Variants in C10orf90 observed in about 807,000 individuals in gnomAD.
C10orf90 encodes the protein (E2-independent) E3 ubiquitin-conjugating enzyme FATS.
A neutral mutation model predicts 62.5 loss-of-function variants in C10orf90; 56 were observed. The observed-to-expected ratio is 0.90, with a 90% CI of 0.72 to 1.12. The LOEUF is 1.12. Among genes scored for constraint, C10orf90 ranks in the 50% most tolerant of loss-of-function variants. C10orf90 has a pLI of 0.00. For missense variants in C10orf90, 970 were observed against 880.4 expected, an observed-to-expected ratio of 1.10 and a Z score of -1.29; for synonymous variants, 386 against 340.4, an observed-to-expected ratio of 1.13 and a Z score of -1.47.
At chr10:126,511,037 A>G (rs1439880696) in intron 3 of C10orf90, among the ~76,000 whole-genome samples, 2 of 152,110 alleles carry the variant, frequency 1.3e-5, no homozygotes, top group Non-Finnish European at 2.9e-5. Context: ...GCAGCTTCCC[A>G]CAGAAGACTC....
At chr10:126,431,890 A>G (rs941907709) in intron 7 of C10orf90, among the ~76,000 whole-genome samples, 14 of 151,980 alleles carry the variant, frequency 9.2e-5, no homozygotes, top group Admixed American at 8.5e-4. Flanking sequence ...GAGCTCTCTG[A>G]CACCTCCACT....
chr10:126,425,989 A>G lies in C10orf90; in HGVS notation c.2352+2T>C, dbSNP rs1324123175. 4.3e-6 allele frequency: 7 copies of G among 1,613,930 alleles called. No homozygotes were observed. The Admixed American group carries it at 1.2e-4, about 27-fold the overall frequency. ...CACACCTGCTGGTGACGAGGCCATT[A>G]CCTTTTTGAAGACTTCGGCACGGAG... On this transcript the variant is annotated splice_donor_variant, in intron 9 of 9. Transcript: ENST00000488181. LOFTEE classifies it high-confidence loss of function.
chr10:126,619,224 A>G (rs1325611063), intron 2 of C10orf90, among the ~76,000 whole-genome samples: 1 of 152,156 alleles, frequency 6.6e-6, no homozygotes, highest in African/African-American at 2.4e-5. Flanking sequence ...CTTGTTTCTC[A>G]TTAATGCCTA....
At chr10:126,637,613 T>A (rs1845977765) in intron 2 of C10orf90, among the ~76,000 whole-genome samples, 2 of 152,164 alleles carry the variant, frequency 1.3e-5, no homozygotes, top group Admixed American at 1.3e-4. Context: ...CCAGAGGACA[T>A]GCAGGTAAGG....
intron 1 of C10orf90, among the ~76,000 whole-genome samples, chr10:126,666,913 GA>G (rs1188398145): frequency 9.3e-5 from 14 of 151,206 alleles, no homozygotes; most frequent in African/African-American, 3.2e-4. Context: ...CCGGGAGGCG[GA>G]GGTTGCAGTG....
chr10:126,600,305 C>T lies in C10orf90; in HGVS notation c.313+46260G>A, dbSNP rs572165325. 5.3e-5 allele frequency among the ~76,000 whole-genome samples: 8 copies of T among 152,238 alleles called. No individual in the cohort carries two copies. The South Asian group carries it at 8.3e-4, about 16-fold the overall frequency. ...ACTGCCAAAGCTGTGCAGGTTTGGC[C>T]GTCCCTGGGAGACGCTACAGAAAAT... On this transcript the variant is annotated intron_variant, in intron 2 of 9. Transcript: ENST00000488181.
intron 4 of C10orf90, among the ~76,000 whole-genome samples, chr10:126,477,751 GT>G (rs1199636199): frequency 2.0e-5 from 3 of 152,174 alleles, no homozygotes; most frequent in East Asian, 1.9e-4. Context: ...TGGAATAGGA[GT>G]TTTTTATATA....
intron 2 of C10orf90, among the ~76,000 whole-genome samples, chr10:126,551,297 A>G (rs1564868131): frequency 6.6e-6 from 1 of 152,246 alleles, no homozygotes; most frequent in African/African-American, 2.4e-5. Context: ...TGTTTCTACC[A>G]CTACCAACAC....
At chr10:126,521,371 T>C (rs1270096714) in intron 2 of C10orf90, 1 of 1,613,316 alleles carries the variant, frequency 6.2e-7, no homozygotes, top group Non-Finnish European at 8.5e-7. Context: ...GGTCTTTTAA[T>C]GACAAGGATG....
intron 7 of C10orf90, among the ~76,000 whole-genome samples, chr10:126,431,340 G>A (rs938794988): frequency 3.9e-5 from 6 of 152,136 alleles, no homozygotes; most frequent in Admixed American, 2.0e-4. Context: ...TAAGGACAAG[G>A]AAATCTCCCA....
At chr10:126,632,862 C>A (rs1845877097) in intron 2 of C10orf90, among the ~76,000 whole-genome samples, 1 of 152,138 alleles carries the variant, frequency 6.6e-6, no homozygotes. Flanking sequence ...GAGCCATCAC[C>A]CCAACTGACA....
chr10:126,499,505 C>T (rs974967340), intron 4 of C10orf90, among the ~76,000 whole-genome samples: 1 of 152,190 alleles, frequency 6.6e-6, no homozygotes, highest in Non-Finnish European at 1.5e-5. Flanking sequence ...CTAATGCAGG[C>T]TTCTCCCCTA....
intron 2 of C10orf90, among the ~76,000 whole-genome samples, chr10:126,636,774 A>G (rs1182742822): frequency 6.6e-6 from 1 of 152,142 alleles, no homozygotes; most frequent in African/African-American, 2.4e-5. Context: ...TAGCCAACTG[A>G]GCAAAAGCCA....
rs75877312 is a variant in C10orf90, at chr10:126,650,922, G to A, written c.241-4285C>T. On this transcript the variant is annotated intron_variant, in intron 1 of 9. Coordinates refer to ENST00000488181, the MANE Select transcript of C10orf90 (RefSeq NM_001350921.2). ...CCTGCCACTTCACAGGTACAATCCT[G>A]CCAGACCCACCCTGCAGAAATTCTG... 2.2e-3 allele frequency among the ~76,000 whole-genome samples: 337 copies of A among 152,194 alleles called. 2 individuals carry two copies. Among genetic ancestry groups the A allele is most frequent in the African/African-American group, 7.9e-3 (329 of 41,514 alleles).
intron 3 of C10orf90, among the ~76,000 whole-genome samples, chr10:126,506,052 G>T (rs1203617086): frequency 6.6e-6 from 1 of 152,188 alleles, no homozygotes; most frequent in Non-Finnish European, 1.5e-5. Context: ...TCACTTATCA[G>T]AATTGGGGGA....
intron 2 of C10orf90, among the ~76,000 whole-genome samples, chr10:126,589,312 A>G (rs1431447699): frequency 6.6e-6 from 1 of 152,212 alleles, no homozygotes; most frequent in African/African-American, 2.4e-5. Context: ...GAACTTCCCC[A>G]AGCCAGCAAG....
chr10:126,527,966 A>ATTATAATTTAACATTT (rs1863993735), intron 2 of C10orf90, among the ~76,000 whole-genome samples: 1 of 152,220 alleles, frequency 6.6e-6, no homozygotes, highest in African/African-American at 2.4e-5. Context: ...GCTAGTTACT[A>ATTATAATTTAACATTT]TTATAATTTA....
At chr10:126,607,908 T>A (rs987931324) in intron 2 of C10orf90, among the ~76,000 whole-genome samples, 2 of 152,210 alleles carry the variant, frequency 1.3e-5, no homozygotes, top group Non-Finnish European at 2.9e-5. Flanking sequence ...TACCGTATGA[T>A]TCCACTTACA....
chr10:126,577,321 A>C (rs932585556), intron 2 of C10orf90, among the ~76,000 whole-genome samples: 5 of 152,136 alleles, frequency 3.3e-5, no homozygotes, highest in Admixed American at 3.3e-4. Flanking sequence ...AAAAATTAAT[A>C]AGTGAAACTA....
Sources: allele counts gnomAD v4.1 joint callset (sites outside exome capture counted in the v4.1 genomes callset), GRCh38; gene constraint gnomAD v4.1.1; transcripts MANE v1.5; gene names NCBI Gene and HGNC (gene_info 2026-07-23, HGNC 2026-07-21).